The following NRXN1 variants were observed in gnomAD, a reference collection of about 807,000 sequenced individuals.
The protein encoded by NRXN1 is neurexin-1.
NRXN1 carries 39 observed loss-of-function variants against 150.9 expected under a neutral mutation model. That is an observed-to-expected ratio of 0.26 (90% CI 0.20 to 0.34). The LOEUF (loss-of-function observed/expected upper bound fraction) is 0.34, where lower values mean the gene tolerates loss of function less well. Among genes scored for constraint, NRXN1 ranks in the 10% least tolerant of loss-of-function variants. NRXN1 has a pLI of 1.00. For missense variants in NRXN1, 1,815 were observed against 1,949.9 expected (o/e 0.93, Z 1.30); for synonymous variants, 924 against 757.0 (o/e 1.22, Z -3.62).
intron 5 of NRXN1, among the ~76,000 whole-genome samples, chr2:50,654,430 T>C (rs532067355): frequency 5.3e-5 from 8 of 152,106 alleles, no homozygotes; most frequent in African/African-American, 1.9e-4. Flanking sequence ...AGTCTATCAT[T>C]GTTGGACATT....
intron 5 of NRXN1, among the ~76,000 whole-genome samples, chr2:50,803,616 T>C (rs1333837359): frequency 1.3e-5 from 2 of 152,282 alleles, no homozygotes; most frequent in Non-Finnish European, 2.9e-5. Flanking sequence ...AAAAAATAAA[T>C]TTCTGGAATA....
In NRXN1 at chr2:50,552,828, A is replaced by G. The variant is rs772857780; in HGVS notation, c.1518T>C (p.Phe506=). ...WNAKKTGSIS[F]DFRTTEPNGL... ...CATTTGGCTCTGTTGTACGGAAATC[A>G]AATGATATGGAGCCAGTTTTCTTTG... The change falls in exon 9 of 23, where the codon TTT becomes TTC. Residue 506 remains phenylalanine, a synonymous_variant. Transcript: ENST00000401669. 1.2e-6 allele frequency: 2 copies of G among 1,613,964 alleles called. No individual in the cohort carries two copies. The highest frequency in any genetic ancestry group is 1.7e-6 in the Non-Finnish European group (2 of 1,179,862).
chr2:50,374,540 A>C (rs918297921), intron 17 of NRXN1, among the ~76,000 whole-genome samples: 7 of 152,148 alleles, frequency 4.6e-5, no homozygotes, highest in African/African-American at 1.7e-4. Flanking sequence ...TCACTGCTGT[A>C]ACTAAGAGCT....
intron 18 of NRXN1, among the ~76,000 whole-genome samples, chr2:50,134,649 T>A (rs992092085): frequency 1.3e-5 from 2 of 152,110 alleles, no homozygotes; most frequent in African/African-American, 4.8e-5. Flanking sequence ...ACACCAAGCA[T>A]AAGAAATCAT....
intron 17 of NRXN1, among the ~76,000 whole-genome samples, chr2:50,247,914 C>G (rs576050402): frequency 6.6e-6 from 1 of 152,108 alleles, no homozygotes; most frequent in African/African-American, 2.4e-5. Flanking sequence ...AGTGAAGACA[C>G]AAGAAGGCTC....
intron 5 of NRXN1, among the ~76,000 whole-genome samples, chr2:50,735,060 G>C (rs987951170): frequency 2.0e-5 from 3 of 152,136 alleles, no homozygotes; most frequent in African/African-American, 7.2e-5. Flanking sequence ...CTGTTAGAGT[G>C]AAATGGTGTT....
intron 17 of NRXN1, among the ~76,000 whole-genome samples, chr2:50,362,245 G>A (rs990898703): frequency 4.6e-5 from 7 of 152,072 alleles, no homozygotes; most frequent in Non-Finnish European, 8.8e-5. Flanking sequence ...GGAAGTTCTG[G>A]CCAGAAAAAT....
intron 17 of NRXN1, among the ~76,000 whole-genome samples, chr2:50,254,974 T>G (rs189054640): frequency 6.6e-6 from 1 of 152,136 alleles, no homozygotes; most frequent in East Asian, 1.9e-4. Flanking sequence ...ACTTGGCTAA[T>G]TTTTGTATTT....
At chr2:50,019,347 C>T (rs1431001451) in intron 21 of NRXN1, 1 of 470,802 alleles carries the variant, frequency 2.1e-6, no homozygotes, top group Non-Finnish European at 4.4e-6. Flanking sequence ...AAATTTAGTA[C>T]TTAAGAGCTA....
chr2:50,857,687 C>T lies in NRXN1; in HGVS notation c.832+64182G>A, dbSNP rs545206364. ...GGCCTAGGTCAAGGTCTATTTTCTCCAAGAAACTGTTTCTGATTATCCATC... is the reference window on the plus strand; with the variant it reads ...GGCCTAGGTCAAGGTCTATTTTCTCTAAGAAACTGTTTCTGATTATCCATC... On this transcript the variant is annotated intron_variant, in intron 5 of 22. Transcript: ENST00000401669. Among the ~76,000 whole-genome samples the T allele has an allele frequency of 6.6e-5, 10 of 152,132 alleles. No homozygotes were observed. The South Asian group carries it at 1.9e-3, about 28-fold the overall frequency.
chr2:50,987,162 A>T (rs1392344012), intron 2 of NRXN1, among the ~76,000 whole-genome samples: 1 of 151,996 alleles, frequency 6.6e-6, no homozygotes, highest in African/African-American at 2.4e-5. Context: ...TATTTGTCAT[A>T]ATTTGAGGTT....
In NRXN1 at chr2:50,956,684, G is replaced by A. The variant is rs558970240; in HGVS notation, c.773-30729C>T. 5.9e-5 allele frequency among the ~76,000 whole-genome samples: 9 copies of A among 151,988 alleles called. No individual in the cohort carries two copies. In the East Asian group the frequency reaches 1.4e-3, roughly 23 times the overall value. The stretch of plus-strand genomic sequence containing the variant: ...AATCACTTGAACTCAGGAAGCGAAG[G>A]TTGCAGTGGGCGACAGAGTGAGACT... On this transcript the variant is annotated intron_variant, in intron 2 of 22. Transcript: ENST00000401669.
At chr2:50,191,209 T>G (rs920614190) in intron 18 of NRXN1, among the ~76,000 whole-genome samples, 1 of 150,072 alleles carries the variant, frequency 6.7e-6, no homozygotes, top group African/African-American at 2.5e-5. Context: ...TTTTTTGTTT[T>G]TTTTTTTTTT....
rs963154045 is a variant in NRXN1 at position 50,465,337 on chromosome 2, G to A, written c.3364+105C>T. On this transcript the variant is annotated intron_variant, in intron 17 of 22. Transcript: ENST00000401669. ...CTGCTTCTATGGGTTATGACAGTTC[G>A]ACTGACTCAGAGTTAATATAAGGAC... The A allele has an allele frequency of 1.5e-5, 17 of 1,145,434 alleles. No homozygotes were observed. In the African/African-American group the frequency reaches 1.7e-4, roughly 12 times the overall value. 71.0% of individuals were successfully genotyped at this position (1,145,434 alleles called of 1,614,324 possible). A position where few individuals can be genotyped will look rare whatever the true frequency, so the allele number is the denominator to read the frequency against.
intron 18 of NRXN1, among the ~76,000 whole-genome samples, chr2:50,167,279 G>T (rs2152796183): frequency 6.6e-6 from 1 of 152,160 alleles, no homozygotes. Flanking sequence ...TTTTATTTTA[G>T]TATATCTCTA....
intron 17 of NRXN1, among the ~76,000 whole-genome samples, chr2:50,268,399 C>G (rs1220274712): frequency 3.3e-5 from 5 of 152,070 alleles, no homozygotes; most frequent in African/African-American, 7.2e-5. Flanking sequence ...AGTACTACAC[C>G]CAACAGTGAC....
At chr2:50,310,934 A>G (rs2075125058) in intron 17 of NRXN1, among the ~76,000 whole-genome samples, 1 of 152,172 alleles carries the variant, frequency 6.6e-6, no homozygotes. Context: ...TAATTTTCAA[A>G]TTAAAATATT....
intron 21 of NRXN1, among the ~76,000 whole-genome samples, chr2:49,987,415 T>C (rs1013266092): frequency 2.4e-4 from 36 of 152,190 alleles, no homozygotes; most frequent in African/African-American, 8.0e-4. Flanking sequence ...ATTTAGAGCA[T>C]ATATTATTTA....
intron 21 of NRXN1, among the ~76,000 whole-genome samples, chr2:49,949,939 T>C (rs1673627227): frequency 6.6e-6 from 1 of 151,718 alleles, no homozygotes; most frequent in Non-Finnish European, 1.5e-5. Flanking sequence ...TTTTCATGAA[T>C]GAATCTAATA....
Sources: gnomAD v4.1 joint callset for allele counts (sites outside exome capture counted in the v4.1 genomes callset) on GRCh38, gnomAD v4.1.1 for gene constraint, MANE v1.5 for transcripts, NCBI Gene and HGNC (gene_info 2026-07-23, HGNC 2026-07-21) for gene names.